RGS17: variants seen among roughly 807,000 people sequenced by gnomAD.
RGS17 encodes regulator of G protein signaling 17.
RGS17 carries 12 observed loss-of-function variants against 25.5 expected under a neutral mutation model. The ratio of observed to expected loss-of-function variants is 0.47; its 90% CI spans 0.30 to 0.76. RGS17 has a LOEUF of 0.76. RGS17 is among the 30% of genes least tolerant of loss of function. The pLI is 0.07. For missense variants in RGS17, 196 were observed against 242.2 expected (o/e 0.81, Z 1.27); for synonymous variants, 71 against 76.9 (o/e 0.92, Z 0.40).
chr6:153,018,625 G>A (rs1218074839), intron 4 of RGS17, among the ~76,000 whole-genome samples: 1 of 152,090 alleles, frequency 6.6e-6, no homozygotes, highest in African/African-American at 2.4e-5. Flanking sequence ...GACCTTACCT[G>A]ACTACTTCTA....
intron 1 of RGS17, among the ~76,000 whole-genome samples, chr6:153,060,254 AG>A (rs1478992454): frequency 6.6e-6 from 1 of 152,192 alleles, no homozygotes; most frequent in East Asian, 1.9e-4. Context: ...GGGCAGAAAT[AG>A]GCCCTCTCAG....
rs1183001320 is a variant in RGS17, at chr6:153,060,231, C to CTGCTG, written c.-25-16189_-25-16188insCAGCA. On this transcript the variant is annotated intron_variant, in intron 1 of 4. Coordinates refer to ENST00000206262, the MANE Select transcript of RGS17 (RefSeq NM_012419.5). ...ACTTCTATTCTGTGTTTCACCCTCTCTTTCTGCTCTTTGGGCAGAAATAGG... is the reference window on the plus strand; with the variant it reads ...ACTTCTATTCTGTGTTTCACCCTCTCTGCTGTTTCTGCTCTTTGGGCAGAAATAGG... Among the ~76,000 whole-genome samples the CTGCTG allele has an allele frequency of 7.2e-5, 11 of 152,288 alleles. No homozygotes were observed. In the South Asian group the frequency reaches 1.2e-3, roughly 17 times the overall value.
chr6:153,115,176 A>T (rs374367137), intron 1 of RGS17, among the ~76,000 whole-genome samples: 8 of 152,236 alleles, frequency 5.3e-5, no homozygotes, highest in African/African-American at 1.7e-4. Context: ...GTATATTTAG[A>T]AAACCCCATC....
chr6:153,088,684 G>C (rs1172848465), intron 1 of RGS17, among the ~76,000 whole-genome samples: 1 of 151,988 alleles, frequency 6.6e-6, no homozygotes, highest in Non-Finnish European at 1.5e-5. Context: ...GGTCTTCCTT[G>C]TACTCTTCCT....
At chr6:153,073,277 C>T (rs951805748) in intron 1 of RGS17, among the ~76,000 whole-genome samples, 1 of 152,194 alleles carries the variant, frequency 6.6e-6, no homozygotes, top group African/African-American at 2.4e-5. Flanking sequence ...CCCTCCTCCA[C>T]CCCAGCCCAG....
intron 1 of RGS17, among the ~76,000 whole-genome samples, chr6:153,052,679 A>C (rs1206826008): frequency 1.3e-5 from 2 of 152,160 alleles, no homozygotes; most frequent in Non-Finnish European, 2.9e-5. Context: ...TGCTAGAACA[A>C]GTTAAGACTT....
intron 1 of RGS17, among the ~76,000 whole-genome samples, chr6:153,123,663 T>C (rs646820): frequency 0.1 from 15,882 of 152,206 alleles, 890 homozygotes; most frequent in Admixed American, 0.16. Context: ...GTCAAGGTAC[T>C]ATATTATAAA....
intron 1 of RGS17, among the ~76,000 whole-genome samples, chr6:153,061,781 T>A (rs1315028722): frequency 1.3e-5 from 2 of 152,130 alleles, no homozygotes; most frequent in African/African-American, 4.8e-5. Flanking sequence ...TATATGTTAT[T>A]TTTTTTACAA....
intron 1 of RGS17, among the ~76,000 whole-genome samples, chr6:153,108,406 C>CAAATGGCAG (rs1472254688): frequency 6.6e-6 from 1 of 152,070 alleles, no homozygotes; most frequent in African/African-American, 2.4e-5. Flanking sequence ...GTTTGGCAGG[C>CAAATGGCAG]AAATGGCAGA....
chr6:153,014,706 G>A (rs1328192941), intron 4 of RGS17, among the ~76,000 whole-genome samples: 4 of 151,796 alleles, frequency 2.6e-5, no homozygotes, highest in African/African-American at 4.8e-5. Context: ...GCTGAGGCAG[G>A]AGAATGGCGT....
intron 1 of RGS17, among the ~76,000 whole-genome samples, chr6:153,068,243 G>C (rs1776736454): frequency 6.6e-6 from 1 of 152,068 alleles, no homozygotes. Context: ...TCAGGAATTT[G>C]AGACCAGCCT....
intron 1 of RGS17, among the ~76,000 whole-genome samples, chr6:153,111,996 T>C (rs1777478050): frequency 6.6e-6 from 1 of 152,162 alleles, no homozygotes; most frequent in Non-Finnish European, 1.5e-5. Context: ...GCAAAAAGGC[T>C]GAAAATTCCA....
intron 2 of RGS17, among the ~76,000 whole-genome samples, chr6:153,031,150 T>C (rs1035670188): frequency 6.6e-6 from 1 of 152,154 alleles, no homozygotes; most frequent in African/African-American, 2.4e-5. Context: ...GTATGTGTTA[T>C]CCAAGAAAAT....
intron 2 of RGS17, among the ~76,000 whole-genome samples, chr6:153,028,809 T>G (rs569052915): frequency 7.9e-4 from 120 of 152,348 alleles, no homozygotes; most frequent in African/African-American, 2.8e-3. Flanking sequence ...CCTGCTTAAA[T>G]AATAAACTCC....
At chr6:153,111,058 T>C (rs933660720) in intron 1 of RGS17, among the ~76,000 whole-genome samples, 6 of 151,358 alleles carry the variant, frequency 4.0e-5, no homozygotes, top group Non-Finnish European at 5.9e-5. Context: ...TTTTTTTTCA[T>C]ACCCCAGCAG....
intron 2 of RGS17, among the ~76,000 whole-genome samples, chr6:153,030,526 T>G (rs1354011460): frequency 6.6e-6 from 1 of 152,198 alleles, no homozygotes; most frequent in East Asian, 1.9e-4. Flanking sequence ...AGAGAACTAC[T>G]GTCACTGGTA....
At chr6:153,123,426 C>A (rs917197599) in intron 1 of RGS17, among the ~76,000 whole-genome samples, 6 of 152,068 alleles carry the variant, frequency 3.9e-5, no homozygotes, top group Non-Finnish European at 7.4e-5. Flanking sequence ...CTTTCATTTC[C>A]ATACTTAGAT....
rs1779074279 is a variant in RGS17, at chr6:153,006,368, A to C, written c.*5206T>G. On this transcript the variant is annotated 3_prime_UTR_variant, in exon 5 of 5. Coordinates refer to ENST00000206262, the MANE Select transcript of RGS17 (RefSeq NM_012419.5). ...TGGAAATAAAACTTTCAAATGATTG[A>C]TCTTATTTAAACTTTAATTTTAACC... 1 of 152,480 alleles carries C rather than the reference A, an allele frequency of 6.6e-6. No homozygotes were observed. The highest frequency in any genetic ancestry group is 2.4e-5 in the African/African-American group (1 of 41,422). 9.4% of individuals were successfully genotyped at this position (152,480 alleles called of 1,614,324 possible).
chr6:153,032,502 A>C (rs1437279473), intron 2 of RGS17, among the ~76,000 whole-genome samples: 1 of 152,146 alleles, frequency 6.6e-6, no homozygotes, highest in Non-Finnish European at 1.5e-5. Flanking sequence ...ACCTTTATAA[A>C]TACAATATTT....
Sources: gnomAD v4.1 joint callset for allele counts (sites outside exome capture counted in the v4.1 genomes callset) on GRCh38, gnomAD v4.1.1 for gene constraint, MANE v1.5 for transcripts, NCBI Gene and HGNC (gene_info 2026-07-23, HGNC 2026-07-21) for gene names.